The following SHISA5 variants were observed in gnomAD, a reference collection of about 807,000 sequenced individuals.
SHISA5 encodes protein shisa-5.
In SHISA5, 21 loss-of-function variants were observed where a neutral mutation model predicts 27.5. That is an observed-to-expected ratio of 0.76 (90% CI 0.54 to 1.10). The LOEUF (loss-of-function observed/expected upper bound fraction) is 1.10, where lower values mean the gene tolerates loss of function less well. SHISA5 is among the 50% of genes least tolerant of loss of function. The probability of loss-of-function intolerance (pLI) is 0.00; values close to 1 mark genes in which losing one functional copy is unlikely to be tolerated. For missense variants in SHISA5, 314 were observed against 336.3 expected (o/e 0.93, Z 0.52); for synonymous variants, 137 against 142.2 (o/e 0.96, Z 0.26).
intron 3 of SHISA5, among the ~76,000 whole-genome samples, chr3:48,478,949 T>C (rs184347214): frequency 9.6e-4 from 146 of 152,106 alleles, no homozygotes; most frequent in Middle Eastern, 3.4e-3. Flanking sequence ...GGCCCTTCAA[T>C]TGTCAACCCC....
intron 2 of SHISA5, among the ~76,000 whole-genome samples, chr3:48,488,389 G>A (rs936486822): frequency 8.6e-5 from 13 of 151,024 alleles, no homozygotes; most frequent in African/African-American, 2.7e-4. Flanking sequence ...CACCATGCCC[G>A]GCTAACTTTT....
intron 2 of SHISA5, among the ~76,000 whole-genome samples, chr3:48,492,200 G>C (rs2041451787): frequency 6.8e-6 from 1 of 147,102 alleles, no homozygotes; most frequent in Non-Finnish European, 1.5e-5. Flanking sequence ...GCCAGGCGCG[G>C]TGGCTCACGC....
chr3:48,494,390 C>T lies in SHISA5; in HGVS notation c.233+6747G>A, dbSNP rs900411172. Among the ~76,000 whole-genome samples the T allele has an allele frequency of 1.3e-4, 19 of 144,952 alleles. 1 individual carries two copies. Among genetic ancestry groups the T allele is most frequent in the Non-Finnish European group, 2.4e-4 (16 of 67,538 alleles). On this transcript the variant is annotated intron_variant, in intron 2 of 5. Transcript: ENST00000296444. The stretch of plus-strand genomic sequence containing the variant: ...TCAGCTCACTGCAACCTCCGCCTCC[C>T]GAGTTCAAGGGATTCTCCTGCCTCA...
Position 48,481,894 on chromosome 3 carries a change from T to C in SHISA5, c.234-2637A>G, listed in dbSNP as rs576034377. On this transcript the variant is annotated intron_variant, in intron 2 of 5. Coordinates refer to ENST00000296444, the MANE Select transcript of SHISA5 (RefSeq NM_016479.6). ...CATCCTGGCTAACACAGTGAAACCCTGTCTCTACTAAAAATACAAAAAAAA... is the reference window on the plus strand; with the variant it reads ...CATCCTGGCTAACACAGTGAAACCCCGTCTCTACTAAAAATACAAAAAAAA... Among the ~76,000 whole-genome samples the C allele has an allele frequency of 2.7e-5, 4 of 150,834 alleles. No individual in the cohort carries two copies. The East Asian group carries it at 5.9e-4, about 22-fold the overall frequency.
chr3:48,469,129 T>A lies in SHISA5; in HGVS notation c.701A>T (p.Asp234Val), dbSNP rs2040485211. ...TGCTCAGAGGGCCGCCTTCGGGGCA[T>A]CCATGTAGGCCGGGTTGTAAGGAGG... is the stretch of plus-strand genomic sequence containing the variant. ...SQPPYNPAYM[D>V]APKAAL The change falls in exon 6 of 6, where the codon GAT (aspartate) becomes GTT (valine). Residue 234 changes from aspartate to valine, a missense_variant. Coordinates refer to ENST00000296444, the MANE Select transcript of SHISA5 (RefSeq NM_016479.6). The surrounding 1 kb of genome is among the most constrained non-coding windows in gnomAD (Gnocchi z 4.6). 6.2e-7 allele frequency: 1 copy of A among 1,612,976 alleles called. No homozygotes were observed.
chr3:48,486,287 G>A (rs1180136002), intron 2 of SHISA5, among the ~76,000 whole-genome samples: 2 of 834 alleles, frequency 2.4e-3, no homozygotes, highest in Admixed American at 0.011. Flanking sequence ...AACATATAAT[G>A]TATTATATAT....
intron 2 of SHISA5, among the ~76,000 whole-genome samples, chr3:48,489,620 C>CATTT (rs1560130851): frequency 1.0e-4 from 13 of 127,724 alleles, no homozygotes; most frequent in African/African-American, 4.5e-4. Flanking sequence ...CTGCGCCTGG[C>CATTT]CTTTTTTTTT....
chr3:48,486,919 T>TG lies in SHISA5; in HGVS notation c.234-7663_234-7662insC, dbSNP rs545896653. Among the ~76,000 whole-genome samples, 475 of 128,618 alleles carry TG rather than the reference T, an allele frequency of 3.7e-3. 3 individuals carry two copies. Among genetic ancestry groups the TG allele is most frequent in the African/African-American group, 0.013 (456 of 34,148 alleles). The allele number at this position is 128,618 out of a possible 152,430, so 84.4% of individuals were successfully genotyped here. A position where few individuals can be genotyped will look rare whatever the true frequency, so the allele number is the denominator to read the frequency against. On this transcript the variant is annotated intron_variant, in intron 2 of 5. Transcript: ENST00000296444. ...TGGGTGACAGAGACAAGACTCCATC[T>TG]CAAAAAAAAAAAAAAGAAAGAAAAG... is the stretch of plus-strand genomic sequence containing the variant.
upstream of SHISA5, chr3:48,504,496 A>T (rs529215152): frequency 5.9e-6 from 1 of 168,300 alleles, no homozygotes; most frequent in Admixed American, 6.4e-5. This position sits in a 1 kb window ranked among gnomAD's most constrained non-coding sequence, Gnocchi z 4.0. Context: ...GCACCCTGAC[A>T]CTGAGCGCCT....
chr3:48,501,170 C>T lies in SHISA5; in HGVS notation c.200G>A (p.Trp67Ter). The T allele has an allele frequency of 6.2e-7, 1 of 1,610,586 alleles. No homozygotes were observed. Among genetic ancestry groups the T allele is most frequent in the Non-Finnish European group, 8.5e-7 (1 of 1,178,548 alleles). ...CCSDVLKKFV[W>*]SEERCAVPEA... is the part of the protein sequence containing the mutation. ...AGGCACAGCACACCTTTCCTCGCTC[C>T]ACACAAATTTCTTCAGCACGTCAGA... is the stretch of plus-strand genomic sequence containing the variant. Residue 67 changes from tryptophan (W) to a stop codon, truncating the protein, a stop_gained, in exon 2 of 6, where the codon TGG becomes TAG. Transcript: ENST00000296444. LOFTEE classifies it high-confidence loss of function.
At chr3:48,471,318 T>A (rs2107289698) in intron 3 of SHISA5, among the ~76,000 whole-genome samples, 1 of 151,916 alleles carries the variant, frequency 6.6e-6, no homozygotes. Flanking sequence ...GTGCGGTGGC[T>A]CATGCCTGTA....
At chr3:48,478,604 G>A (rs952666018) in intron 3 of SHISA5, among the ~76,000 whole-genome samples, 1 of 152,078 alleles carries the variant, frequency 6.6e-6, no homozygotes, top group Non-Finnish European at 1.5e-5. Flanking sequence ...AAGGGGACTG[G>A]GGTTTGGGGG....
upstream of SHISA5, chr3:48,504,292 G>T (rs545500618): frequency 4.9e-5 from 18 of 368,794 alleles, no homozygotes; most frequent in African/African-American, 2.9e-4. The surrounding 1 kb of genome is among the most constrained non-coding windows in gnomAD (Gnocchi z 4.0). Context: ...GTGGAAGGAG[G>T]AGGAAGGAAG....
chr3:48,485,153 G>T (rs934276445), intron 2 of SHISA5, among the ~76,000 whole-genome samples: 19 of 151,806 alleles, frequency 1.3e-4, no homozygotes, highest in African/African-American at 4.6e-4. Context: ...TCAGCCTGGG[G>T]GACAGAGCAA....
At chr3:48,503,251 C>G in intron 1 of SHISA5, 1 of 1,106,548 alleles carries the variant, frequency 9.0e-7, no homozygotes, top group Non-Finnish European at 1.2e-6. Context: ...TGCTCTCTGA[C>G]CCCCAGACCT....
At position 48,473,156 on chromosome 3, in the gene SHISA5, C is replaced by G. The variant is rs886481204; in HGVS notation, c.315-3313G>C. 2.1e-6 allele frequency: 3 copies of G among 1,449,198 alleles called. No individual in the cohort carries two copies. The South Asian group carries it at 4.3e-5, about 21-fold the overall frequency. The allele number at this position is 1,449,198 out of a possible 1,614,324, so 89.8% of individuals were successfully genotyped here. On this transcript the variant is annotated intron_variant, in intron 3 of 5. Transcript: ENST00000296444. The surrounding 1 kb of genome is among the most constrained non-coding windows in gnomAD (Gnocchi z 4.3). ...TCCAGATGACGTCAGCCACAGGAAGCACAGACGCGAAGCCCCGTTCCACCC... is the reference window on the plus strand; with the variant it reads ...TCCAGATGACGTCAGCCACAGGAAGGACAGACGCGAAGCCCCGTTCCACCC...
rs2040571244 is a variant in SHISA5 at position 48,470,553 on chromosome 3, G to A, written c.315-710C>T. Among the ~76,000 whole-genome samples, 1 of 152,210 alleles carries A rather than the reference G, an allele frequency of 6.6e-6. No homozygotes were observed. Among genetic ancestry groups the A allele is most frequent in the African/African-American group, 2.4e-5 (1 of 41,452 alleles). On this transcript the variant is annotated intron_variant, in intron 3 of 5. Transcript: ENST00000296444. The surrounding 1 kb of genome is among the most constrained non-coding windows in gnomAD (Gnocchi z 4.3). ...CAGGTGAGAGGGCCAAGAGCCAAGG[G>A]GAGGACACAGAGGCCTGGAGGCAGG...
chr3:48,487,161 C>A (rs1211300300), intron 2 of SHISA5, among the ~76,000 whole-genome samples: 1 of 151,962 alleles, frequency 6.6e-6, no homozygotes, highest in Non-Finnish European at 1.5e-5. Flanking sequence ...CACACACTCC[C>A]ACACAGATGC....
chr3:48,480,715 C>T (rs996264362), intron 2 of SHISA5, among the ~76,000 whole-genome samples: 5 of 151,960 alleles, frequency 3.3e-5, no homozygotes, highest in Non-Finnish European at 5.9e-5. Context: ...GCTCAGATCA[C>T]GTCACTGCAC....
Sources: allele counts gnomAD v4.1 joint callset (sites outside exome capture counted in the v4.1 genomes callset), GRCh38; gene constraint gnomAD v4.1.1; non-coding constraint Gnocchi (gnomAD v3.1); transcripts MANE v1.5; gene names NCBI Gene and HGNC (gene_info 2026-07-23, HGNC 2026-07-21).